The following GCA variants were observed in gnomAD, a reference collection of about 807,000 sequenced individuals.
GCA encodes the protein grancalcin, EF-hand calcium-binding protein.
A neutral mutation model predicts 32.6 loss-of-function variants in GCA; 30 were observed. That is an observed-to-expected ratio of 0.92 (90% CI 0.69 to 1.25). The LOEUF is 1.25. Ranked by LOEUF, GCA falls within the 50% of genes most tolerant of loss-of-function variation. The probability of loss-of-function intolerance (pLI) is 0.00; values close to 1 mark genes in which losing one functional copy is unlikely to be tolerated. For missense variants in GCA, 291 were observed against 266.8 expected (o/e 1.09, Z -0.63); for synonymous variants, 102 against 84.6 (o/e 1.21, Z -1.13).
intron 2 of GCA, among the ~76,000 whole-genome samples, chr2:162,349,659 A>C (rs1197914019): frequency 1.3e-5 from 2 of 152,188 alleles, no homozygotes; most frequent in African/African-American, 2.4e-5. Flanking sequence ...GATCTACATG[A>C]AAATCATCTT....
chr2:162,326,350 T>C (rs1264012743), intron 1 of GCA, among the ~76,000 whole-genome samples: 1 of 152,130 alleles, frequency 6.6e-6, no homozygotes, highest in Non-Finnish European at 1.5e-5. Context: ...GCCAAACTTT[T>C]GTGCAGAGGG....
Position 162,344,173 on chromosome 2 carries a change from C to T in GCA, c.-76C>T, listed in dbSNP as rs1368949234. The T allele has an allele frequency of 6.5e-7, 1 of 1,529,440 alleles. No individual in the cohort carries two copies. Among genetic ancestry groups the T allele is most frequent in the East Asian group, 2.3e-5 (1 of 44,428 alleles). 94.7% of individuals were successfully genotyped at this position (1,529,440 alleles called of 1,614,324 possible). A position where few individuals can be genotyped will look rare whatever the true frequency, so the allele number is the denominator to read the frequency against. ...TCACCTGCAGCTGCGCCTCCTTGCACCTGCGCCTGTGCTTTTTCTCCCAGC... is the reference window on the plus strand; with the variant it reads ...TCACCTGCAGCTGCGCCTCCTTGCATCTGCGCCTGTGCTTTTTCTCCCAGC... On this transcript the variant is annotated 5_prime_UTR_variant, in exon 1 of 8. Transcript: ENST00000437150.
At chr2:162,349,061 ATTAAATT>A (rs200684863) in intron 2 of GCA, among the ~76,000 whole-genome samples, 2,233 of 151,554 alleles carry the variant, frequency 0.015, 61 homozygotes, top group African/African-American at 0.051. Flanking sequence ...GAGAATAAAT[ATTAAATT>A]ATAATATATC....
Position 162,352,327 on chromosome 2 carries a change from T to C in GCA, c.193-11T>C. On this transcript the variant is annotated splice_polypyrimidine_tract_variant and intron_variant, in intron 2 of 7. Coordinates refer to ENST00000437150, the MANE Select transcript of GCA (RefSeq NM_012198.5). ...TGCACATTAAATTAGGTCATAATTA[T>C]TTTTAAACAGGATGGTGAAGTGGAT... is the stretch of plus-strand genomic sequence containing the variant. 1 of 1,519,516 alleles carries C rather than the reference T, an allele frequency of 6.6e-7. No homozygotes were observed. The allele number at this position is 1,519,516 out of a possible 1,614,324, so 94.1% of individuals were successfully genotyped here. A position where few individuals can be genotyped will look rare whatever the true frequency, so the allele number is the denominator to read the frequency against.
intron 1 of GCA, among the ~76,000 whole-genome samples, chr2:162,332,518 A>G (rs1397545783): frequency 6.6e-6 from 1 of 151,864 alleles, no homozygotes; most frequent in East Asian, 1.9e-4. Flanking sequence ...TAAACTGGAG[A>G]CAAAGTAACA....
intron 1 of GCA, among the ~76,000 whole-genome samples, chr2:162,331,946 T>C (rs1444536085): frequency 1.3e-5 from 2 of 152,190 alleles, no homozygotes; most frequent in Non-Finnish European, 2.9e-5. Flanking sequence ...ATTCATCTGC[T>C]AAATTCATTG....
intron 3 of GCA, among the ~76,000 whole-genome samples, chr2:162,352,635 C>A (rs11674428): frequency 1.8e-4 from 28 of 152,130 alleles, no homozygotes; most frequent in Non-Finnish European, 3.5e-4. Flanking sequence ...TTTTAAAAAT[C>A]TGATTCTTTT....
chr2:162,344,307 TC>T (rs1394466609), intron 1 of GCA, 32 bp downstream of exon 1: 1 of 1,610,380 alleles, frequency 6.2e-7, no homozygotes, highest in Admixed American at 1.7e-5. Context: ...GTGTCCCTCT[TC>T]CTCGCGGGGT....
At chr2:162,324,600 G>A (rs1162289301) in intron 1 of GCA, among the ~76,000 whole-genome samples, 3 of 152,150 alleles carry the variant, frequency 2.0e-5, no homozygotes, top group African/African-American at 7.2e-5. Flanking sequence ...GTACAGGATG[G>A]GGGCATGGCA....
chr2:162,324,603 G>A (rs1558882976), intron 1 of GCA, among the ~76,000 whole-genome samples: 2 of 152,144 alleles, frequency 1.3e-5, no homozygotes, highest in Non-Finnish European at 2.9e-5. Flanking sequence ...CAGGATGGGG[G>A]CATGGCAGGC....
chr2:162,356,468 T>G lies in GCA; in HGVS notation c.293T>G (p.Ile98Ser). 2 of 1,570,764 alleles carry G rather than the reference T, an allele frequency of 1.3e-6. No homozygotes were observed. Among genetic ancestry groups the G allele is most frequent in the Non-Finnish European group, 1.8e-6 (2 of 1,141,212 alleles). The change falls in exon 4 of 8, where the codon ATT becomes AGT. Residue 98 changes from isoleucine to serine, a missense_variant. Coordinates refer to ENST00000437150, the MANE Select transcript of GCA (RefSeq NM_012198.5). ...PFSLETCRIM[I>S]AMLDRDHTGK... Reference sequence around the variant, plus strand: ...AGTTTGGAAACCTGCAGAATTATGATTGCCATGTTGGATGTATCCTTGAAT... The same window carrying G: ...AGTTTGGAAACCTGCAGAATTATGAGTGCCATGTTGGATGTATCCTTGAAT...
intron 1 of GCA, among the ~76,000 whole-genome samples, chr2:162,332,345 T>A (rs1330075355): frequency 1.4e-5 from 2 of 144,966 alleles, no homozygotes; most frequent in South Asian, 2.1e-4. Flanking sequence ...ATATAATATA[T>A]AATATTATTT....
At chr2:162,366,660 A>G (rs1173912163), downstream of GCA, among the ~76,000 whole-genome samples, 1 of 152,094 alleles carries the variant, frequency 6.6e-6, no homozygotes, top group African/African-American at 2.4e-5. Flanking sequence ...TTAACATCAC[A>G]TCGTAAGTAG....
At chr2:162,322,520 T>C (rs976047899) in intron 1 of GCA, among the ~76,000 whole-genome samples, 4 of 150,680 alleles carry the variant, frequency 2.7e-5, no homozygotes, top group African/African-American at 9.9e-5. Context: ...ACTCGTCATC[T>C]AGCATTAGGT....
At chr2:162,355,967 G>A (rs1576296018) in intron 3 of GCA, among the ~76,000 whole-genome samples, 1 of 151,918 alleles carries the variant, frequency 6.6e-6, no homozygotes, top group South Asian at 2.1e-4. Context: ...CTTTTTGGGG[G>A]TAGTATTCAA....
chr2:162,332,231 C>T (rs1272454637), intron 1 of GCA, among the ~76,000 whole-genome samples: 2 of 150,020 alleles, frequency 1.3e-5, no homozygotes, highest in Non-Finnish European at 3.0e-5. Context: ...ATGGCATGAA[C>T]CCAGGAGGCG....
chr2:162,364,906 A>T (rs993095420), downstream of GCA, among the ~76,000 whole-genome samples: 1 of 151,576 alleles, frequency 6.6e-6, no homozygotes, highest in Admixed American at 6.6e-5. Context: ...TTAGTCAATC[A>T]CTGTTGTGGT....
downstream of GCA, among the ~76,000 whole-genome samples, chr2:162,363,263 T>C (rs1685651562): frequency 6.6e-6 from 1 of 151,480 alleles, no homozygotes; most frequent in African/African-American, 2.4e-5. Context: ...CCAAGATTTC[T>C]TTCAGGCAGG....
downstream of GCA, among the ~76,000 whole-genome samples, chr2:162,374,165 A>G (rs911060904): frequency 6.6e-6 from 1 of 152,142 alleles, no homozygotes; most frequent in Admixed American, 6.5e-5. Flanking sequence ...TAAGTATTGT[A>G]TATTATTCAT....
Sources: gnomAD v4.1 joint callset for allele counts (sites outside exome capture counted in the v4.1 genomes callset) on GRCh38, gnomAD v4.1.1 for gene constraint, MANE v1.5 for transcripts, NCBI Gene and HGNC (gene_info 2026-07-23, HGNC 2026-07-21) for gene names.